Variants in ENTHD1 observed in about 807,000 individuals in gnomAD.
ENTHD1 encodes the protein ENTH domain-containing protein 1.
ENTHD1 carries 23 observed loss-of-function variants against 39.1 expected under a neutral mutation model. That is an observed-to-expected ratio of 0.59 (90% CI 0.42 to 0.83). The LOEUF is 0.83. Ranked by LOEUF, ENTHD1 falls within the 40% of genes least tolerant of loss-of-function variation. ENTHD1 has a pLI of 0.00. For missense variants in ENTHD1, 624 were observed against 705.4 expected, an observed-to-expected ratio of 0.88 and a Z score of 1.31; for synonymous variants, 230 against 258.2, an observed-to-expected ratio of 0.89 and a Z score of 1.05.
chr22:39,749,300 C>T (rs948106124), intron 6 of ENTHD1, among the ~76,000 whole-genome samples: 4 of 152,156 alleles, frequency 2.6e-5, no homozygotes, highest in African/African-American at 9.7e-5. Context: ...AAATAAGCTA[C>T]AATAAATCGC....
chr22:39,784,578 A>ACACT (rs1288937619), intron 5 of ENTHD1, among the ~76,000 whole-genome samples: 2 of 151,346 alleles, frequency 1.3e-5, no homozygotes, highest in African/African-American at 4.9e-5. Flanking sequence ...ACACACACAC[A>ACACT]CACACTAGAA....
At chr22:39,852,875 A>G (rs2066054553) in intron 3 of ENTHD1, among the ~76,000 whole-genome samples, 1 of 152,178 alleles carries the variant, frequency 6.6e-6, no homozygotes, top group Non-Finnish European at 1.5e-5. Context: ...TACAGATACA[A>G]ATTATTTTTA....
At chr22:39,845,752 T>C (rs1331542074) in intron 3 of ENTHD1, among the ~76,000 whole-genome samples, 2 of 152,246 alleles carry the variant, frequency 1.3e-5, no homozygotes, top group East Asian at 3.8e-4. Flanking sequence ...ATGATTTTCA[T>C]ATTTGCTTCC....
At chr22:39,853,975 A>G (rs1450476470) in intron 3 of ENTHD1, among the ~76,000 whole-genome samples, 1 of 152,212 alleles carries the variant, frequency 6.6e-6, no homozygotes, top group Non-Finnish European at 1.5e-5. Flanking sequence ...CTTCAGGGTC[A>G]CAGGTGGCTG....
rs529900112 is a variant in ENTHD1 at position 39,786,354 on chromosome 22, C to T, written c.833-20745G>A. Among the ~76,000 whole-genome samples, 5 of 152,250 alleles carry T rather than the reference C, an allele frequency of 3.3e-5. No individual in the cohort carries two copies. In the South Asian group the frequency reaches 6.2e-4, roughly 19 times the overall value. On this transcript the variant is annotated intron_variant, in intron 5 of 6. Coordinates refer to ENST00000325157, the MANE Select transcript of ENTHD1 (RefSeq NM_152512.4). ...AATCAAACTAACGAATATCTACCAC[C>T]TCATATACTTATCATTTTTGGTGAA...
intron 5 of ENTHD1, among the ~76,000 whole-genome samples, chr22:39,807,537 G>A (rs1252530674): frequency 6.6e-6 from 1 of 152,074 alleles, no homozygotes; most frequent in Non-Finnish European, 1.5e-5. Context: ...CTCATCCTGA[G>A]GCTCTGCTAA....
At chr22:39,789,710 C>T (rs1051496250) in intron 5 of ENTHD1, among the ~76,000 whole-genome samples, 2 of 152,076 alleles carry the variant, frequency 1.3e-5, no homozygotes, top group African/African-American at 4.8e-5. Flanking sequence ...GCTTACATTA[C>T]AGTGGGGGAA....
chr22:39,818,000 G>T (rs1305695151), intron 5 of ENTHD1, among the ~76,000 whole-genome samples: 1 of 152,160 alleles, frequency 6.6e-6, no homozygotes, highest in Non-Finnish European at 1.5e-5. Flanking sequence ...TTGTAGGGGG[G>T]TCTATGTCCC....
chr22:39,847,634 C>T (rs1473253375), intron 3 of ENTHD1, among the ~76,000 whole-genome samples: 2 of 151,772 alleles, frequency 1.3e-5, no homozygotes, highest in Non-Finnish European at 2.9e-5. Context: ...TCAAGAAATC[C>T]TTCCGCCTTG....
intron 5 of ENTHD1, among the ~76,000 whole-genome samples, chr22:39,794,373 T>G (rs1049263185): frequency 6.6e-6 from 1 of 152,220 alleles, no homozygotes; most frequent in Non-Finnish European, 1.5e-5. Context: ...CTTTAGGTTT[T>G]TCTAAATATA....
intron 4 of ENTHD1, among the ~76,000 whole-genome samples, chr22:39,829,513 G>A (rs1384859004): frequency 1.3e-5 from 2 of 152,078 alleles, no homozygotes; most frequent in African/African-American, 4.8e-5. Context: ...GGCTGGGCAC[G>A]GTAGCTCACG....
At position 39,745,244 on chromosome 22, in the gene ENTHD1, T is replaced by C. The variant is rs1001581660; in HGVS notation, c.1220-961A>G. Reference sequence around the variant, plus strand: ...TCTATTTACATTCACTTATGATATGTGATACAAATTGGTGGAATCCAGTTC... The same window carrying C: ...TCTATTTACATTCACTTATGATATGCGATACAAATTGGTGGAATCCAGTTC... On this transcript the variant is annotated intron_variant, in intron 6 of 6. Coordinates refer to ENST00000325157, the MANE Select transcript of ENTHD1 (RefSeq NM_152512.4). 2.6e-5 allele frequency among the ~76,000 whole-genome samples: 4 copies of C among 152,208 alleles called. No individual in the cohort carries two copies. The East Asian group carries it at 5.8e-4, about 22-fold the overall frequency.
chr22:39,847,557 T>C (rs1159143667), intron 3 of ENTHD1, among the ~76,000 whole-genome samples: 1 of 151,404 alleles, frequency 6.6e-6, no homozygotes, highest in Non-Finnish European at 1.5e-5. Context: ...GTCAGCTGAT[T>C]AGCAAACTTA....
intron 5 of ENTHD1, among the ~76,000 whole-genome samples, chr22:39,769,521 C>A (rs2146566002): frequency 6.6e-6 from 1 of 152,226 alleles, no homozygotes; most frequent in Middle Eastern, 3.4e-3. Context: ...GGCATTAAAT[C>A]CCTGCAACTT....
chr22:39,803,850 G>A (rs189949661), intron 5 of ENTHD1, among the ~76,000 whole-genome samples: 1 of 152,280 alleles, frequency 6.6e-6, no homozygotes, highest in East Asian at 1.9e-4. Flanking sequence ...TTTATTGAAT[G>A]GAAGTGTTTC....
chr22:39,782,181 G>A (rs1329700793), intron 5 of ENTHD1, among the ~76,000 whole-genome samples: 2 of 152,122 alleles, frequency 1.3e-5, no homozygotes, highest in Non-Finnish European at 2.9e-5. Context: ...CAGCTACCCG[G>A]GAGGCTGAGG....
chr22:39,812,781 CT>C (rs965805368), intron 5 of ENTHD1, among the ~76,000 whole-genome samples: 1 of 151,416 alleles, frequency 6.6e-6, no homozygotes, highest in Non-Finnish European at 1.5e-5. Context: ...ATCCCTTTGT[CT>C]TTTTTTTTGT....
intron 5 of ENTHD1, among the ~76,000 whole-genome samples, chr22:39,812,615 C>T (rs960585212): frequency 6.6e-6 from 1 of 152,182 alleles, no homozygotes; most frequent in Non-Finnish European, 1.5e-5. Context: ...GCAAGGATGA[C>T]CTCAACAGGC....
At chr22:39,852,373 C>A (rs1251081097) in intron 3 of ENTHD1, among the ~76,000 whole-genome samples, 4 of 152,076 alleles carry the variant, frequency 2.6e-5, no homozygotes, top group East Asian at 3.8e-4. Flanking sequence ...GAATTGCAAT[C>A]ATCTGATATT....
Sources: allele counts gnomAD v4.1 joint callset (sites outside exome capture counted in the v4.1 genomes callset), GRCh38; gene constraint gnomAD v4.1.1; transcripts MANE v1.5; gene names NCBI Gene and HGNC (gene_info 2026-07-23, HGNC 2026-07-21).